The following DYM variants were observed in gnomAD, a reference collection of about 807,000 sequenced individuals.
The protein encoded by DYM is dyggve-Melchior-Clausen syndrome protein.
Under a neutral mutation model 93.1 loss-of-function variants are expected in DYM, and 78 were observed. The ratio of observed to expected loss-of-function variants is 0.84; its 90% confidence interval spans 0.70 to 1.01. The LOEUF is 1.01. DYM is among the 50% of genes least tolerant of loss of function. DYM has a pLI of 0.00. For missense variants in DYM, 789 were observed against 845.0 expected (o/e 0.93, Z 0.82); for synonymous variants, 321 against 319.7 (o/e 1.00, Z -0.04).
At chr18:49,273,960 C>T (rs1484834781) in intron 10 of DYM, among the ~76,000 whole-genome samples, 1 of 151,938 alleles carries the variant, frequency 6.6e-6, no homozygotes, top group African/African-American at 2.4e-5. Flanking sequence ...GTAACGGGTC[C>T]AATGAGACTA....
intron 2 of DYM, among the ~76,000 whole-genome samples, chr18:49,405,713 CTCTT>C (rs2071415366): frequency 6.6e-6 from 1 of 152,104 alleles, no homozygotes; most frequent in Admixed American, 6.5e-5. Context: ...GCTATTCAAG[CTCTT>C]TTTTTGGTTC....
At chr18:49,348,036 G>C (rs570104361) in intron 6 of DYM, among the ~76,000 whole-genome samples, 252 of 152,318 alleles carry the variant, frequency 1.7e-3, no homozygotes, top group African/African-American at 5.0e-3. Context: ...TGAAGAAAAA[G>C]AGACAGGCGC....
intron 2 of DYM, among the ~76,000 whole-genome samples, chr18:49,405,840 A>G (rs1263717631): frequency 6.6e-6 from 1 of 152,176 alleles, no homozygotes; most frequent in Non-Finnish European, 1.5e-5. Context: ...AACAATGTCA[A>G]TTCTTCCCAT....
intron 13 of DYM, among the ~76,000 whole-genome samples, chr18:49,253,085 A>G (rs375212222): frequency 6.6e-6 from 1 of 152,184 alleles, no homozygotes; most frequent in African/African-American, 2.4e-5. Context: ...AGGCTTTTCA[A>G]AGATTTATCC....
intron 17 of DYM, among the ~76,000 whole-genome samples, chr18:49,047,536 C>A (rs1048705305): frequency 6.6e-6 from 1 of 152,178 alleles, no homozygotes; most frequent in Non-Finnish European, 1.5e-5. Flanking sequence ...TCTTTCCCTC[C>A]TCTCAGCTGA....
At chr18:49,284,681 G>C (rs928497476) in intron 9 of DYM, among the ~76,000 whole-genome samples, 19 of 152,164 alleles carry the variant, frequency 1.2e-4, no homozygotes, top group African/African-American at 2.4e-5. Flanking sequence ...TAGAGGTATG[G>C]TGTGAAGCCA....
chr18:49,307,980 C>G (rs1353936688), intron 8 of DYM, among the ~76,000 whole-genome samples: 2 of 152,200 alleles, frequency 1.3e-5, no homozygotes, highest in African/African-American at 4.8e-5. Context: ...TAGACTCCAG[C>G]TTTTCAAAAA....
At chr18:49,094,810 T>C (rs2079395820) in intron 17 of DYM, among the ~76,000 whole-genome samples, 2 of 152,208 alleles carry the variant, frequency 1.3e-5, no homozygotes, top group Admixed American at 6.5e-5. Flanking sequence ...AATTCTACAA[T>C]GCAAGGGAAA....
rs541680849 is a variant in DYM, at chr18:49,291,840, A to G, written c.764-5224T>C. ...TAATAAGAAAATCAAAATTATTAAG[A>G]AGGTACAGCCAGTAGCCAAGTATTA... is the stretch of plus-strand genomic sequence containing the variant. On this transcript the variant is annotated intron_variant, in intron 8 of 17. Transcript: ENST00000675505. 8.5e-5 allele frequency among the ~76,000 whole-genome samples: 13 copies of G among 152,348 alleles called. 1 individual carries two copies. The South Asian group carries it at 2.3e-3, about 27-fold the overall frequency.
intron 2 of DYM, among the ~76,000 whole-genome samples, chr18:49,423,642 A>G (rs1171292450): frequency 1.8e-4 from 27 of 152,214 alleles, no homozygotes; most frequent in Non-Finnish European, 4.0e-4. Context: ...AAATTGATAG[A>G]CCACTAGCAA....
chr18:49,118,258 T>C (rs1218736255), intron 16 of DYM, among the ~76,000 whole-genome samples: 1 of 151,946 alleles, frequency 6.6e-6, no homozygotes, highest in Non-Finnish European at 1.5e-5. Context: ...CTTTTGACAG[T>C]AAAAACTAGT....
At chr18:49,047,461 C>G (rs138843587) in intron 17 of DYM, among the ~76,000 whole-genome samples, 14 of 152,368 alleles carry the variant, frequency 9.2e-5, no homozygotes, top group African/African-American at 2.6e-4. Flanking sequence ...TGTGGCACCA[C>G]TTCCAGCACT....
intron 6 of DYM, among the ~76,000 whole-genome samples, chr18:49,348,871 T>C (rs1281538961): frequency 7.2e-6 from 1 of 138,450 alleles, no homozygotes; most frequent in African/African-American, 2.7e-5. Flanking sequence ...ATCGCGCCAT[T>C]GCACTCCAGC....
At chr18:49,404,121 C>A (rs2071177553) in intron 2 of DYM, among the ~76,000 whole-genome samples, 1 of 152,154 alleles carries the variant, frequency 6.6e-6, no homozygotes, top group Admixed American at 6.6e-5. Context: ...AATTCCCCTG[C>A]CTCAGCCTCC....
At chr18:49,454,968 T>C (rs1195131298) in intron 1 of DYM, among the ~76,000 whole-genome samples, 2 of 139,646 alleles carry the variant, frequency 1.4e-5, no homozygotes, top group African/African-American at 5.6e-5. Flanking sequence ...TTTTTGGACC[T>C]CTCTCTCTCT....
intron 14 of DYM, among the ~76,000 whole-genome samples, chr18:49,174,091 T>C (rs1341249994): frequency 6.6e-6 from 1 of 152,182 alleles, no homozygotes; most frequent in African/African-American, 2.4e-5. Flanking sequence ...TCAAATGCTT[T>C]TTCTGTACCT....
At chr18:49,310,521 T>C (rs1304888222) in intron 8 of DYM, among the ~76,000 whole-genome samples, 1 of 152,178 alleles carries the variant, frequency 6.6e-6, no homozygotes, top group Admixed American at 6.5e-5. Context: ...TGTATATGTA[T>C]GTATATTTGC....
At chr18:49,325,795 A>C (rs554211752) in intron 8 of DYM, among the ~76,000 whole-genome samples, 1 of 152,358 alleles carries the variant, frequency 6.6e-6, no homozygotes, top group African/African-American at 2.4e-5. Flanking sequence ...ATTCCATGTT[A>C]GAGTACTGCA....
intron 14 of DYM, among the ~76,000 whole-genome samples, chr18:49,184,949 G>C (rs1459568350): frequency 6.6e-6 from 1 of 152,174 alleles, no homozygotes; most frequent in African/African-American, 2.4e-5. Flanking sequence ...CAGAAGGAAT[G>C]AGGAGTGCTA....
Sources: allele counts gnomAD v4.1 joint callset (sites outside exome capture counted in the v4.1 genomes callset), GRCh38; gene constraint gnomAD v4.1.1; transcripts MANE v1.5; gene names NCBI Gene and HGNC (gene_info 2026-07-23, HGNC 2026-07-21).